ARID1B: variants seen among roughly 807,000 people sequenced by gnomAD.
ARID1B encodes AT-rich interactive domain-containing protein 1B.
ARID1B carries 30 observed loss-of-function variants against 212.3 expected under a neutral mutation model. The ratio of observed to expected loss-of-function variants is 0.14; its 90% CI spans 0.11 to 0.19. The LOEUF (loss-of-function observed/expected upper bound fraction) is 0.19. ARID1B is among the 10% of genes least tolerant of loss of function. The pLI is 1.00. For missense variants in ARID1B, 2,891 were observed against 3,204.0 expected (o/e 0.90, Z 2.36); for synonymous variants, 1,402 against 1,301.7 (o/e 1.08, Z -1.66).
At chr6:157,191,702 C>T (rs1489205404) in intron 15 of ARID1B, among the ~76,000 whole-genome samples, 1 of 152,100 alleles carries the variant, frequency 6.6e-6, no homozygotes, top group African/African-American at 2.4e-5. Context: ...TTTGCTCTTG[C>T]GCATTCTTCC....
At chr6:156,881,818 G>A (rs1007998039) in intron 2 of ARID1B, among the ~76,000 whole-genome samples, 10 of 152,284 alleles carry the variant, frequency 6.6e-5, no homozygotes, top group East Asian at 5.8e-4. Flanking sequence ...TTAATAAGGC[G>A]AAGATGTGTT....
intron 4 of ARID1B, among the ~76,000 whole-genome samples, chr6:157,020,122 G>C (rs1780132958): frequency 6.6e-6 from 1 of 152,140 alleles, no homozygotes; most frequent in African/African-American, 2.4e-5. Flanking sequence ...TCAGGAAGGA[G>C]GGAATAGACA....
chr6:157,091,162 A>G (rs1274693005), intron 5 of ARID1B, among the ~76,000 whole-genome samples: 1 of 152,290 alleles, frequency 6.6e-6, no homozygotes, highest in Admixed American at 6.5e-5. Flanking sequence ...AGTGGAGCCT[A>G]ATTCTCTGCA....
In ARID1B at chr6:157,140,116, G is replaced by A. The variant is rs1583384671; in HGVS notation, c.2761+6909G>A. On this transcript the variant is annotated intron_variant, in intron 7 of 19. Coordinates refer to ENST00000636930, the MANE Select transcript of ARID1B (RefSeq NM_001374828.1). The stretch of plus-strand genomic sequence containing the variant: ...CTGTGCGTGATGAAAGTAAAACTAG[G>A]GATATAGTGCAATATGATGATGTAA... 2.0e-5 allele frequency among the ~76,000 whole-genome samples: 3 copies of A among 152,172 alleles called. No individual in the cohort carries two copies. The South Asian group carries it at 6.2e-4, about 32-fold the overall frequency.
At chr6:156,958,577 T>C (rs1360275378) in intron 4 of ARID1B, among the ~76,000 whole-genome samples, 2 of 152,250 alleles carry the variant, frequency 1.3e-5, no homozygotes, top group African/African-American at 2.4e-5. Flanking sequence ...TTTCAGCAAA[T>C]ACATTTTGTT....
chr6:157,002,483 C>T (rs1246138127), intron 4 of ARID1B, among the ~76,000 whole-genome samples: 1 of 152,168 alleles, frequency 6.6e-6, no homozygotes, highest in Non-Finnish European at 1.5e-5. Flanking sequence ...ACCTGCTTTG[C>T]ATTTATACAA....
chr6:157,171,940 A>G (rs1791743522), intron 9 of ARID1B, among the ~76,000 whole-genome samples: 1 of 152,230 alleles, frequency 6.6e-6, no homozygotes, highest in Non-Finnish European at 1.5e-5. Context: ...TAATATTCAT[A>G]CATAATTTAT....
intron 4 of ARID1B, among the ~76,000 whole-genome samples, chr6:157,046,544 C>A (rs1195094284): frequency 6.6e-6 from 1 of 152,160 alleles, no homozygotes; most frequent in Non-Finnish European, 1.5e-5. Context: ...TTCTTCAGGT[C>A]CTTAATGCTA....
At chr6:157,038,217 G>A (rs536804036) in intron 4 of ARID1B, among the ~76,000 whole-genome samples, 4 of 152,178 alleles carry the variant, frequency 2.6e-5, no homozygotes, top group East Asian at 1.9e-4. Flanking sequence ...CAGTTACTTC[G>A]GAAGTCAGTT....
intron 15 of ARID1B, among the ~76,000 whole-genome samples, chr6:157,192,179 G>C (rs532387470): frequency 5.3e-5 from 8 of 152,216 alleles, no homozygotes; most frequent in African/African-American, 1.9e-4. Flanking sequence ...TTTTCTTAGT[G>C]GTATGAGATG....
chr6:157,100,441 C>G (rs1400689006), intron 5 of ARID1B, among the ~76,000 whole-genome samples: 2 of 152,148 alleles, frequency 1.3e-5, no homozygotes, highest in African/African-American at 4.8e-5. Context: ...TGGAGCATAT[C>G]GAAGTTGGTG....
At chr6:157,005,159 GTTGTTGTT>G (rs1779172413) in intron 4 of ARID1B, among the ~76,000 whole-genome samples, 1 of 131,670 alleles carries the variant, frequency 7.6e-6, no homozygotes, top group African/African-American at 2.8e-5. Flanking sequence ...TGTTGTTGTT[GTTGTTGTT>G]TGGAGAGATG....
chr6:157,022,851 G>T (rs1265389475), intron 4 of ARID1B: 1 of 152,150 alleles, frequency 6.6e-6, no homozygotes, highest in African/African-American at 2.4e-5. Flanking sequence ...GTAGGGTTAG[G>T]GTTAGGGTCA....
intron 5 of ARID1B, 112 bp downstream of exon 5, chr6:157,085,017 A>G: frequency 7.4e-7 from 1 of 1,349,602 alleles, no homozygotes; most frequent in South Asian, 1.5e-5. Flanking sequence ...CCACATATTA[A>G]GAGTATAACT....
chr6:157,149,190 G>C, intron 8 of ARID1B: 1 of 527,328 alleles, frequency 1.9e-6, no homozygotes, highest in Non-Finnish European at 3.4e-6. Flanking sequence ...TCAGTCGTGG[G>C]AGGTGATTTG....
chr6:157,170,473 T>C (rs1791643644), intron 9 of ARID1B, among the ~76,000 whole-genome samples: 2 of 152,152 alleles, frequency 1.3e-5, no homozygotes. Context: ...TGCTCTAAGG[T>C]AATGATTTCA....
rs1286041220 is a variant in ARID1B, at chr6:157,200,202, G to A, written c.4480-503G>A. Among the ~76,000 whole-genome samples the A allele has an allele frequency of 2.0e-5, 3 of 152,316 alleles. No individual in the cohort carries two copies. Among genetic ancestry groups the A allele is most frequent in the Admixed American group, 6.5e-5 (1 of 15,300 alleles). ...CAGGCCAGAAGTCAGGGCAGGAGCC[G>A]TGGGATGGATGTTGGGTGACACGGG... On this transcript the variant is annotated intron_variant, in intron 17 of 19. Transcript: ENST00000636930. This position sits in a 1 kb window ranked among gnomAD's most constrained non-coding sequence, Gnocchi z 4.3.
chr6:157,140,029 A>G (rs915978848), intron 7 of ARID1B, among the ~76,000 whole-genome samples: 1 of 151,930 alleles, frequency 6.6e-6, no homozygotes, highest in African/African-American at 2.4e-5. Flanking sequence ...CAGCCTTTTT[A>G]TATATTTTTT....
intron 4 of ARID1B, among the ~76,000 whole-genome samples, chr6:156,950,228 T>C (rs1009064161): frequency 6.6e-6 from 1 of 152,232 alleles, no homozygotes; most frequent in Non-Finnish European, 1.5e-5. Flanking sequence ...GGTACAGATC[T>C]ACTTGGTTTG....
Sources: gnomAD v4.1 joint callset for allele counts (sites outside exome capture counted in the v4.1 genomes callset) on GRCh38, gnomAD v4.1.1 for gene constraint, Gnocchi (gnomAD v3.1) non-coding constraint, MANE v1.5 for transcripts, NCBI Gene and HGNC (gene_info 2026-07-23, HGNC 2026-07-21) for gene names.